VWA8: variants seen among roughly 807,000 people sequenced by gnomAD.
VWA8 encodes von Willebrand factor A domain-containing protein 8.
A neutral mutation model predicts 241.5 loss-of-function variants in VWA8; 221 were observed. The ratio of observed to expected loss-of-function variants is 0.91; its 90% CI spans 0.82 to 1.02. The LOEUF is 1.02. Among genes scored for constraint, VWA8 ranks in the 50% least tolerant of loss-of-function variants. The pLI is 0.00. For missense variants in VWA8, 2,322 were observed against 2,328.7 expected, an observed-to-expected ratio of 1.00 and a Z score of 0.06; for synonymous variants, 852 against 827.1, an observed-to-expected ratio of 1.03 and a Z score of -0.52.
intron 17 of VWA8, among the ~76,000 whole-genome samples, chr13:41,794,473 A>G (rs910897713): frequency 2.0e-5 from 3 of 152,204 alleles, no homozygotes; most frequent in Admixed American, 6.5e-5. Context: ...GTGATTTTAC[A>G]CATTGATTTT....
At chr13:41,758,412 A>ATGCCAG (rs2045712914) in intron 21 of VWA8, among the ~76,000 whole-genome samples, 6 of 82,512 alleles carry the variant, frequency 7.3e-5, no homozygotes, top group African/African-American at 2.5e-4. Context: ...ATATATATAT[A>ATGCCAG]TATATATATA....
At chr13:41,925,364 C>T (rs144716021) in intron 2 of VWA8, among the ~76,000 whole-genome samples, 269 of 152,146 alleles carry the variant, frequency 1.8e-3, no homozygotes, top group Middle Eastern at 6.8e-3. Flanking sequence ...CAGAATACTC[C>T]GATACTGTAA....
chr13:41,948,068 A>C (rs1877947290), intron 2 of VWA8, among the ~76,000 whole-genome samples: 1 of 152,164 alleles, frequency 6.6e-6, no homozygotes, highest in African/African-American at 2.4e-5. Flanking sequence ...CCATATAAAA[A>C]CTTGCATATG....
At chr13:41,918,074 CTAA>C (rs1226653441) in intron 2 of VWA8, among the ~76,000 whole-genome samples, 5 of 152,150 alleles carry the variant, frequency 3.3e-5, no homozygotes, top group African/African-American at 1.2e-4. Flanking sequence ...ACAACACGAA[CTAA>C]CTGAACTAAA....
chr13:41,954,507 T>G (rs1476107895), intron 1 of VWA8, among the ~76,000 whole-genome samples: 1 of 152,234 alleles, frequency 6.6e-6, no homozygotes, highest in East Asian at 1.9e-4. Flanking sequence ...TACTGAAATA[T>G]CTTCATCTCC....
intron 26 of VWA8, among the ~76,000 whole-genome samples, chr13:41,716,602 G>A (rs866233112): frequency 1.8e-4 from 27 of 152,130 alleles, no homozygotes; most frequent in African/African-American, 6.3e-4. Context: ...TTAGCTATAT[G>A]TAGTGGGTGG....
intron 12 of VWA8, among the ~76,000 whole-genome samples, chr13:41,856,540 G>A (rs1356781102): frequency 6.6e-6 from 1 of 152,120 alleles, no homozygotes; most frequent in African/African-American, 2.4e-5. Flanking sequence ...CTTTCACAAG[G>A]CTAGGCATAG....
chr13:41,733,002 C>T (rs1334899580), intron 21 of VWA8, among the ~76,000 whole-genome samples: 1 of 152,122 alleles, frequency 6.6e-6, no homozygotes, highest in African/African-American at 2.4e-5. Context: ...ATATAAGTAG[C>T]GTCTTTGAAG....
At chr13:41,853,244 A>G (rs1481032437) in intron 12 of VWA8, among the ~76,000 whole-genome samples, 1 of 152,090 alleles carries the variant, frequency 6.6e-6, no homozygotes, top group Non-Finnish European at 1.5e-5. Flanking sequence ...TCAGCTTTTT[A>G]CCATTGAGCA....
At chr13:41,659,448 G>T (rs2044933646) in intron 37 of VWA8, among the ~76,000 whole-genome samples, 1 of 152,132 alleles carries the variant, frequency 6.6e-6, no homozygotes, top group East Asian at 1.9e-4. Context: ...AACAGCATTG[G>T]TATATGATTA....
intron 20 of VWA8, among the ~76,000 whole-genome samples, chr13:41,774,270 G>A (rs943008304): frequency 2.0e-5 from 3 of 152,152 alleles, no homozygotes; most frequent in African/African-American, 7.2e-5. Context: ...CTCCGAAGTA[G>A]ATGGGACTGC....
chr13:41,872,053 C>T lies in VWA8; in HGVS notation c.1081-3576G>A, dbSNP rs1243793528. 2.0e-5 allele frequency among the ~76,000 whole-genome samples: 3 copies of T among 152,256 alleles called. No individual in the cohort carries two copies. In the East Asian group the frequency reaches 5.8e-4, roughly 29 times the overall value. On this transcript the variant is annotated intron_variant, in intron 9 of 44. Coordinates refer to ENST00000379310, the MANE Select transcript of VWA8 (RefSeq NM_015058.2). ...GTTTTGATCTGCATTTCTCTGATGG[C>T]CAGTGATGATGAGCATTTTTTCATG...
chr13:41,638,310 C>G (rs912641066), intron 37 of VWA8, among the ~76,000 whole-genome samples: 1 of 152,142 alleles, frequency 6.6e-6, no homozygotes, highest in African/African-American at 2.4e-5. Context: ...TATTTTTCTA[C>G]TATAAATTTT....
intron 12 of VWA8, among the ~76,000 whole-genome samples, chr13:41,850,224 A>G (rs1185439594): frequency 2.6e-5 from 4 of 152,164 alleles, no homozygotes; most frequent in Admixed American, 2.6e-4. Context: ...GTGTGTCTTT[A>G]TAAATCTAAT....
chr13:41,912,153 G>A lies in VWA8; in HGVS notation c.257C>T (p.Ala86Val). Residue 86 changes from alanine to valine, a missense_variant, in exon 3 of 45, where the codon GCT becomes GTT. Transcript: ENST00000379310. Reference protein sequence around the residue: ...VPQNYISDSLAQSVVQHLRWI... With the variant: ...VPQNYISDSLVQSVVQHLRWI... The stretch of plus-strand genomic sequence containing the variant: ...TCTTAGATGCTGAACTACAGATTGA[G>A]CCAGAGAGTCTGAAACTATAAAGAA... 6.3e-7 allele frequency: 1 copy of A among 1,599,342 alleles called. No individual in the cohort carries two copies.
At chr13:41,792,142 CT>C (rs1490304467) in intron 17 of VWA8, among the ~76,000 whole-genome samples, 1 of 151,854 alleles carries the variant, frequency 6.6e-6, no homozygotes, top group Non-Finnish European at 1.5e-5. Context: ...ATTATTTAAA[CT>C]TTGCATAAAT....
chr13:41,691,952 A>G lies in VWA8; in HGVS notation c.3676-14T>C, dbSNP rs776664873. 3.8e-6 allele frequency: 6 copies of G among 1,562,262 alleles called. No homozygotes were observed. The highest frequency in any genetic ancestry group is 5.3e-6 in the Non-Finnish European group (6 of 1,134,026). ...TTTATAAGTTTCCTAAAGACAAACA[A>G]AACAAGATATTCATATTAAATGTGT... On this transcript the variant is annotated splice_polypyrimidine_tract_variant and intron_variant, in intron 30 of 44. Coordinates refer to ENST00000379310, the MANE Select transcript of VWA8 (RefSeq NM_015058.2).
At chr13:41,761,693 T>C (rs1016631433) in intron 20 of VWA8, among the ~76,000 whole-genome samples, 1 of 152,086 alleles carries the variant, frequency 6.6e-6, no homozygotes, top group Non-Finnish European at 1.5e-5. Context: ...TTTATCCCAT[T>C]TTCCAGTCCT....
At chr13:41,899,351 A>G (rs1401157337) in intron 4 of VWA8, among the ~76,000 whole-genome samples, 1 of 152,252 alleles carries the variant, frequency 6.6e-6, no homozygotes, top group East Asian at 1.9e-4. Flanking sequence ...GCAAATGTGT[A>G]AGGCTGGTAT....
Sources: allele counts gnomAD v4.1 joint callset (sites outside exome capture counted in the v4.1 genomes callset), GRCh38; gene constraint gnomAD v4.1.1; transcripts MANE v1.5; gene names NCBI Gene and HGNC (gene_info 2026-07-23, HGNC 2026-07-21).